GALNT18: variants seen among roughly 807,000 people sequenced by gnomAD.
The protein encoded by GALNT18 is GalNAc-transferase 18.
GALNT18 carries 44 observed loss-of-function variants against 69.5 expected under a neutral mutation model. The observed-to-expected ratio is 0.63, with a 90% CI of 0.50 to 0.81. The LOEUF is 0.81. Ranked by LOEUF, GALNT18 falls within the 40% of genes least tolerant of loss-of-function variation. The pLI, the probability that GALNT18 is intolerant of heterozygous loss-of-function variation, is 0.00. For synonymous variants in GALNT18, 364 were observed against 318.2 expected, an observed-to-expected ratio of 1.14 and a Z score of -1.53; for missense variants, 715 against 810.0, an observed-to-expected ratio of 0.88 and a Z score of 1.42.
At chr11:11,345,061 G>A (rs1850279518) in intron 6 of GALNT18, among the ~76,000 whole-genome samples, 1 of 152,158 alleles carries the variant, frequency 6.6e-6, no homozygotes, top group African/African-American at 2.4e-5. Flanking sequence ...GAGCAAACAG[G>A]CCACAGAAGA....
chr11:11,614,837 A>G lies in GALNT18; in HGVS notation c.235+6522T>C, dbSNP rs1443924393. ...ACCTACTTATCAAGGGAAAATAACA[A>G]TTTATGTCAAGTGAGTGGGAAAGAA... On this transcript the variant is annotated intron_variant, in intron 1 of 10. Transcript: ENST00000227756. This position sits in a 1 kb window ranked among gnomAD's most constrained non-coding sequence, Gnocchi z 5.6. 6.6e-6 allele frequency among the ~76,000 whole-genome samples: 1 copy of G among 152,182 alleles called. No homozygotes were observed. The highest frequency in any genetic ancestry group is 2.4e-5 in the African/African-American group (1 of 41,440).
intron 8 of GALNT18, among the ~76,000 whole-genome samples, chr11:11,331,374 C>A (rs970417983): frequency 1.3e-5 from 2 of 152,082 alleles, no homozygotes; most frequent in African/African-American, 2.4e-5. Context: ...GGGTAGAGGG[C>A]ATGGGTCTAG....
chr11:11,621,688 C>T lies in GALNT18; in HGVS notation c.-95G>A. 1 of 877,264 alleles carries T rather than the reference C, an allele frequency of 1.1e-6. No homozygotes were observed. Among genetic ancestry groups the T allele is most frequent in the Non-Finnish European group, 1.8e-6 (1 of 562,696 alleles). The allele number at this position is 877,264 out of a possible 1,614,324, so 54.3% of individuals were successfully genotyped here. A position where few individuals can be genotyped will look rare whatever the true frequency, so the allele number is the denominator to read the frequency against. ...CTCGCACCCCGTAGCACGTCCGGAG[C>T]CGCTGGGCACCTCAGCACCTGAGTC... On this transcript the variant is annotated 5_prime_UTR_variant, in exon 1 of 11. Coordinates refer to ENST00000227756, the MANE Select transcript of GALNT18 (RefSeq NM_198516.3). The surrounding 1 kb of genome is among the most constrained non-coding windows in gnomAD (Gnocchi z 9.3).
chr11:11,444,543 C>T lies in GALNT18; in HGVS notation c.428+4201G>A, dbSNP rs181568239. ...AACGAGGCCTAGCAACTGGCTGGAC[C>T]GATGTTTTTCCTTCTAGTTGTGTCC... On this transcript the variant is annotated intron_variant, in intron 2 of 10. Transcript: ENST00000227756. This position sits in a 1 kb window ranked among gnomAD's most constrained non-coding sequence, Gnocchi z 4.4. 1.1e-4 allele frequency among the ~76,000 whole-genome samples: 16 copies of T among 152,252 alleles called. No homozygotes were observed. Among genetic ancestry groups the T allele is most frequent in the East Asian group, 1.9e-4 (1 of 5,176 alleles).
At position 11,584,936 on chromosome 11, in the gene GALNT18, A is replaced by G. The variant is rs112689354; in HGVS notation, c.235+36423T>C. On this transcript the variant is annotated intron_variant, in intron 1 of 10. Transcript: ENST00000227756. This position sits in a 1 kb window ranked among gnomAD's most constrained non-coding sequence, Gnocchi z 4.1. ...AAATCCAAGCTTTTAAGGAAAATTTATAATTATGGAAAACTTGCCTCCACC... is the reference window on the plus strand; with the variant it reads ...AAATCCAAGCTTTTAAGGAAAATTTGTAATTATGGAAAACTTGCCTCCACC... Among the ~76,000 whole-genome samples, 4,636 of 152,310 alleles carry G rather than the reference A, an allele frequency of 0.03. 218 individuals are homozygous for G. Among genetic ancestry groups the G allele is most frequent in the African/African-American group, 0.11 (4,380 of 41,544 alleles).
chr11:11,615,377 T>G (rs1477059876), intron 1 of GALNT18, among the ~76,000 whole-genome samples: 1 of 152,218 alleles, frequency 6.6e-6, no homozygotes, highest in Non-Finnish European at 1.5e-5. Context: ...ACTAACAAAC[T>G]TTCAGGAAAC....
At position 11,356,691 on chromosome 11, in the gene GALNT18, G is replaced by A. The variant is rs1850535564; in HGVS notation, c.1093-15687C>T. Among the ~76,000 whole-genome samples, 1 of 152,036 alleles carries A rather than the reference G, an allele frequency of 6.6e-6. No individual in the cohort carries two copies. Among genetic ancestry groups the A allele is most frequent in the Admixed American group, 6.6e-5 (1 of 15,264 alleles). ...TCCTTCATCAATTGTTACCTCGTTT[G>A]TGCATGTTATTAATCTCTCTTTTAT... On this transcript the variant is annotated intron_variant, in intron 6 of 10. Transcript: ENST00000227756. The surrounding 1 kb of genome is among the most constrained non-coding windows in gnomAD (Gnocchi z 4.4).
chr11:11,431,960 G>T (rs1228466713), intron 3 of GALNT18, among the ~76,000 whole-genome samples: 4 of 152,306 alleles, frequency 2.6e-5, no homozygotes, highest in African/African-American at 9.6e-5. Context: ...AAGAATCAGA[G>T]ACCAAGAAAT....
chr11:11,576,855 T>C (rs541405201), intron 1 of GALNT18, among the ~76,000 whole-genome samples: 1 of 152,354 alleles, frequency 6.6e-6, no homozygotes, highest in South Asian at 2.1e-4. Flanking sequence ...CCTTTGGCCA[T>C]GGCCTGAGGG....
chr11:11,529,219 G>A (rs527656712), intron 1 of GALNT18, among the ~76,000 whole-genome samples: 1 of 152,160 alleles, frequency 6.6e-6, no homozygotes, highest in South Asian at 2.1e-4. Context: ...CAGATATTTG[G>A]CCAAACATTA....
At chr11:11,381,666 G>A (rs1347023986) in intron 3 of GALNT18, among the ~76,000 whole-genome samples, 1 of 152,158 alleles carries the variant, frequency 6.6e-6, no homozygotes, top group Non-Finnish European at 1.5e-5. Flanking sequence ...CCCTAACTAA[G>A]GAAGGTCTAG....
At chr11:11,549,437 T>C (rs1049981181) in intron 1 of GALNT18, among the ~76,000 whole-genome samples, 4 of 152,258 alleles carry the variant, frequency 2.6e-5, no homozygotes, top group Non-Finnish European at 4.4e-5. Context: ...TCTATATCAG[T>C]GCCAAACACT....
chr11:11,275,946 T>C (rs2132977469), intron 10 of GALNT18, among the ~76,000 whole-genome samples: 1 of 152,346 alleles, frequency 6.6e-6, no homozygotes, highest in Non-Finnish European at 1.5e-5. Context: ...CCTTGTAGTA[T>C]AGTTTGAAGT....
rs192393779 is a variant in GALNT18 at position 11,562,136 on chromosome 11, C to A, written c.235+59223G>T. Among the ~76,000 whole-genome samples the A allele has an allele frequency of 8.3e-4, 127 of 152,350 alleles. No homozygotes were observed. Among genetic ancestry groups the A allele is most frequent in the Non-Finnish European group, 2.1e-4 (14 of 68,038 alleles). ...CTAAGTAGCACAGACTGGGTGCCTT[C>A]AACAACAGATATTCATTCTCTCACA... On this transcript the variant is annotated intron_variant, in intron 1 of 10. Coordinates refer to ENST00000227756, the MANE Select transcript of GALNT18 (RefSeq NM_198516.3). This position sits in a 1 kb window ranked among gnomAD's most constrained non-coding sequence, Gnocchi z 4.1.
At chr11:11,384,580 G>C (rs894476155) in intron 3 of GALNT18, among the ~76,000 whole-genome samples, 2 of 152,058 alleles carry the variant, frequency 1.3e-5, no homozygotes, top group African/African-American at 4.8e-5. Context: ...AATTTTGCAG[G>C]GGAAATACTC....
chr11:11,607,684 G>A lies in GALNT18; in HGVS notation c.235+13675C>T, dbSNP rs542904709. On this transcript the variant is annotated intron_variant, in intron 1 of 10. Transcript: ENST00000227756. ...GAAATTATAAGTCACATTGCTCTGAGTTAAATCAAATTCATCCTGGCAGGA... is the reference window on the plus strand; with the variant it reads ...GAAATTATAAGTCACATTGCTCTGAATTAAATCAAATTCATCCTGGCAGGA... 8.0e-4 allele frequency among the ~76,000 whole-genome samples: 122 copies of A among 152,322 alleles called. 1 individual carries two copies. Among genetic ancestry groups the A allele is most frequent in the Middle Eastern group, 6.8e-3 (2 of 294 alleles).
intron 1 of GALNT18, among the ~76,000 whole-genome samples, chr11:11,517,375 AG>A (rs1230168714): frequency 6.6e-6 from 1 of 152,240 alleles, no homozygotes; most frequent in Non-Finnish European, 1.5e-5. Flanking sequence ...GAATCCTGTT[AG>A]GACTAAAATA....
intron 3 of GALNT18, among the ~76,000 whole-genome samples, chr11:11,392,198 G>A (rs1303355451): frequency 6.6e-6 from 1 of 152,194 alleles, no homozygotes; most frequent in Non-Finnish European, 1.5e-5. Context: ...CCGGAGCCTG[G>A]CATTCAGTAG....
In GALNT18 at chr11:11,470,940, GCTTCTT is replaced by G. The variant is rs1490681168; in HGVS notation, c.236-22010_236-22005del. Among the ~76,000 whole-genome samples the G allele has an allele frequency of 3.2e-4, 48 of 152,084 alleles. No individual in the cohort carries two copies. The highest frequency in any genetic ancestry group is 6.0e-4 in the Non-Finnish European group (41 of 68,020). ...TGAGAATCAAACGTCCTGCCAAATG[GCTTCTT>G]GATTTCTCCCCATTCATACTCAGGG... On this transcript the variant is annotated intron_variant, in intron 1 of 10. Transcript: ENST00000227756. This position sits in a 1 kb window ranked among gnomAD's most constrained non-coding sequence, Gnocchi z 4.8.
Sources: gnomAD v4.1 joint callset for allele counts (sites outside exome capture counted in the v4.1 genomes callset) on GRCh38, gnomAD v4.1.1 for gene constraint, Gnocchi (gnomAD v3.1) non-coding constraint, MANE v1.5 for transcripts, NCBI Gene and HGNC (gene_info 2026-07-23, HGNC 2026-07-21) for gene names.